Variants in ZP3 observed in about 807,000 individuals in gnomAD.
ZP3 encodes the protein zona pellucida glycoprotein 3, also known as zona pellucida sperm-binding protein 3.
A neutral mutation model predicts 35.6 loss-of-function variants in ZP3; 21 were observed. The observed-to-expected ratio is 0.59, with a 90% CI of 0.42 to 0.85. The LOEUF (loss-of-function observed/expected upper bound fraction) is 0.85. ZP3 is among the 40% of genes least tolerant of loss of function. The probability of loss-of-function intolerance (pLI) is 0.00; values close to 1 mark genes in which losing one functional copy is unlikely to be tolerated. For missense variants in ZP3, 437 were observed against 536.5 expected (o/e 0.81, Z 1.83); for synonymous variants, 207 against 214.5 (o/e 0.96, Z 0.31).
chr7:76,427,510 C>T (rs897808427), intron 1 of ZP3, among the ~76,000 whole-genome samples: 13 of 112,218 alleles, frequency 1.2e-4, no homozygotes, highest in East Asian at 2.4e-4. Context: ...AGTGAGACTC[C>T]GTCTCAAAAA....
intron 3 of ZP3, 94 bp downstream of exon 3, chr7:76,433,124 T>TTTCGTTTTGG: frequency 1.5e-6 from 1 of 672,478 alleles, no homozygotes. Flanking sequence ...TTTGTTTGGT[T>TTTCGTTTTGG]TTGGTTTTGG....
At chr7:76,436,128 T>G (rs1156885420) in intron 5 of ZP3, among the ~76,000 whole-genome samples, 2 of 126,700 alleles carry the variant, frequency 1.6e-5, no homozygotes, top group Admixed American at 2.0e-4. Flanking sequence ...CTTAGGTCAC[T>G]GCAACTTCCA....
intron 5 of ZP3, among the ~76,000 whole-genome samples, chr7:76,435,290 G>A (rs1417559697): frequency 1.3e-5 from 2 of 152,256 alleles, no homozygotes; most frequent in Non-Finnish European, 2.9e-5. Flanking sequence ...GTAGCTGGGA[G>A]TACAGGTACC....
rs750702425 is a variant in ZP3 at position 76,433,573 on chromosome 7, T to G, written c.639T>G (p.Phe213Leu). The change falls in exon 4 of 8, where the codon TTT becomes TTG. Residue 213 changes from phenylalanine to leucine, a missense_variant. By Grantham distance (22) the Phe-to-Leu change is conservative. Transcript: ENST00000394857. The stretch of plus-strand genomic sequence containing the variant: ...GCAGCCACGTGCCACTGCGGTTGTT[T>G]GTGGACCACTGCGTGGCCACACCGA... Reference protein sequence around the residue: ...HTGSHVPLRLFVDHCVATPTP... With the variant: ...HTGSHVPLRLLVDHCVATPTP... 1.9e-6 allele frequency: 3 copies of G among 1,614,106 alleles called. No homozygotes were observed. Among genetic ancestry groups the G allele is most frequent in the African/African-American group, 1.3e-5 (1 of 74,942 alleles).
At chr7:76,428,884 G>A (rs1356870123) in intron 1 of ZP3, 1 of 152,206 alleles carries the variant, frequency 6.6e-6, no homozygotes, top group Non-Finnish European at 1.5e-5. Flanking sequence ...GTTTCACCAT[G>A]TTGGTCAGGC....
chr7:76,411,916 G>A (rs1230372587), intron 1 of ZP3, among the ~76,000 whole-genome samples: 4 of 152,128 alleles, frequency 2.6e-5, no homozygotes, highest in African/African-American at 9.7e-5. Context: ...CCTTTAGCTG[G>A]GTGAGGTGGC....
chr7:76,408,742 G>C (rs17149201), intron 1 of ZP3, among the ~76,000 whole-genome samples: 1 of 152,094 alleles, frequency 6.6e-6, no homozygotes, highest in Admixed American at 6.6e-5. Context: ...CCTGCTTCAC[G>C]CCCAAGGGAA....
intron 1 of ZP3, among the ~76,000 whole-genome samples, chr7:76,410,749 C>T (rs1005039492): frequency 2.0e-5 from 3 of 151,944 alleles, no homozygotes; most frequent in Non-Finnish European, 4.4e-5. Flanking sequence ...AATCCCAGCA[C>T]TTTGGGAGGC....
intron 1 of ZP3, among the ~76,000 whole-genome samples, chr7:76,399,638 C>G (rs1206718893): frequency 6.6e-6 from 1 of 152,040 alleles, no homozygotes; most frequent in African/African-American, 2.4e-5. Context: ...CAGACTCCAG[C>G]GATCCTCCCT....
At chr7:76,441,127 C>T (rs1352988612) in intron 7 of ZP3, among the ~76,000 whole-genome samples, 1 of 151,034 alleles carries the variant, frequency 6.6e-6, no homozygotes, top group African/African-American at 2.4e-5. Flanking sequence ...GCCGAGATTG[C>T]ACCATTGTAC....
intron 1 of ZP3, among the ~76,000 whole-genome samples, chr7:76,426,019 G>C (rs568490259): frequency 6.6e-6 from 1 of 150,930 alleles, no homozygotes; most frequent in African/African-American, 2.4e-5. Flanking sequence ...GGAGGCAAAG[G>C]TTGCAGTGAG....
intron 1 of ZP3, chr7:76,400,276 C>T: frequency 6.9e-7 from 1 of 1,457,014 alleles, no homozygotes; most frequent in Non-Finnish European, 9.1e-7. Flanking sequence ...GGTCCCAGGG[C>T]TCCACTCACC....
chr7:76,437,598 C>T (rs1201711901), intron 5 of ZP3, among the ~76,000 whole-genome samples: 3 of 122,538 alleles, frequency 2.4e-5, no homozygotes, highest in Admixed American at 1.6e-4. Context: ...GCAATTCTTC[C>T]ATTCCAGCCT....
chr7:76,423,059 GAAAGAAAGAAAGAAAGAAAGAAAGA>G (rs1805557783), upstream of ZP3, among the ~76,000 whole-genome samples: 2 of 146,640 alleles, frequency 1.4e-5, 1 homozygote, highest in African/African-American at 5.1e-5. Flanking sequence ...AAGAAAGAAA[GAAAGAAAGAAAGAAAGAAAGAAAGA>G]AAAGAAATTG....
chr7:76,418,169 T>C (rs1805419581), intron 1 of ZP3, among the ~76,000 whole-genome samples: 1 of 151,956 alleles, frequency 6.6e-6, no homozygotes, highest in South Asian at 2.1e-4. Context: ...CCTCAGGTGA[T>C]CCACCCGCCT....
intron 2 of ZP3, among the ~76,000 whole-genome samples, chr7:76,430,598 G>A (rs1318071954): frequency 2.4e-4 from 36 of 152,054 alleles, no homozygotes; most frequent in Admixed American, 2.4e-3. Flanking sequence ...AGCCGAGTGT[G>A]GTAGCGCGTG....
chr7:76,427,922 CTCT>C (rs1805713763), intron 1 of ZP3, among the ~76,000 whole-genome samples: 2 of 152,082 alleles, frequency 1.3e-5, no homozygotes, highest in Non-Finnish European at 2.9e-5. Flanking sequence ...TCAAGCAATC[CTCT>C]TCCCTCCCAA....
rs1805775789 is a variant in ZP3 at position 76,429,767 on chromosome 7, TTACTG to T, written c.431+140_431+144del. 40 of 782,310 alleles carry T rather than the reference TTACTG, an allele frequency of 5.1e-5. No homozygotes were observed. In the South Asian group the frequency reaches 6.3e-4, roughly 12 times the overall value. 48.5% of individuals were successfully genotyped at this position (782,310 alleles called of 1,614,324 possible). A position where few individuals can be genotyped will look rare whatever the true frequency, so the allele number is the denominator to read the frequency against. On this transcript the variant is annotated intron_variant, in intron 2 of 7. Coordinates refer to ENST00000394857, the MANE Select transcript of ZP3 (RefSeq NM_001110354.2). ...CCTACCGAAGCATTTGCAGCTGTGG[TTACTG>T]TACTGCGTGGGATTGTGGGGCCTGC...
At chr7:76,435,732 ATTTTTT>A (rs71521128) in intron 5 of ZP3, among the ~76,000 whole-genome samples, 1 of 137,492 alleles carries the variant, frequency 7.3e-6, no homozygotes, top group Admixed American at 7.3e-5. Flanking sequence ...TACCACCAGC[ATTTTTT>A]TTTTTTTTTT....
Sources: allele counts gnomAD v4.1 joint callset (sites outside exome capture counted in the v4.1 genomes callset), GRCh38; gene constraint gnomAD v4.1.1; transcripts MANE v1.5; gene names NCBI Gene and HGNC (gene_info 2026-07-23, HGNC 2026-07-21).